The following NBEA variants were observed in gnomAD, a reference collection of about 807,000 sequenced individuals.
The protein encoded by NBEA is neurobeachin.
A neutral mutation model predicts 343.4 loss-of-function variants in NBEA; 44 were observed. The observed-to-expected ratio is 0.13, with a 90% confidence interval of 0.10 to 0.16. The LOEUF is 0.16. NBEA is among the 10% of genes least tolerant of loss of function. The pLI is 1.00. For synonymous variants in NBEA, 1,175 were observed against 1,238.7 expected (o/e 0.95, Z 1.08); for missense variants, 2,555 against 3,631.3 (o/e 0.70, Z 7.62).
intron 1 of NBEA, among the ~76,000 whole-genome samples, chr13:35,037,600 A>T (rs1387693217): frequency 2.0e-5 from 3 of 152,074 alleles, no homozygotes; most frequent in African/African-American, 7.2e-5. Context: ...TACTGCCTTG[A>T]TGGTTTTGGG....
chr13:35,349,942 A>G (rs2040095634), intron 37 of NBEA, among the ~76,000 whole-genome samples: 1 of 152,116 alleles, frequency 6.6e-6, no homozygotes, highest in African/African-American at 2.4e-5. Flanking sequence ...TTTCAAACAC[A>G]TGACCTTTGC....
At chr13:35,207,230 A>G (rs979505240) in intron 31 of NBEA, among the ~76,000 whole-genome samples, 23 of 151,880 alleles carry the variant, frequency 1.5e-4, no homozygotes, top group African/African-American at 4.8e-4. Context: ...TTATTTGTGG[A>G]AAAAAAAGTG....
At chr13:35,236,993 A>G (rs966612867) in intron 34 of NBEA, among the ~76,000 whole-genome samples, 5 of 152,006 alleles carry the variant, frequency 3.3e-5, no homozygotes, top group Admixed American at 1.3e-4. Context: ...TTGTGTTTGC[A>G]TAGGATATTA....
intron 24 of NBEA, among the ~76,000 whole-genome samples, chr13:35,166,775 T>C (rs1456362591): frequency 6.6e-6 from 1 of 152,032 alleles, no homozygotes. Context: ...AGTTGTAACA[T>C]AGCAGAGGGA....
At chr13:35,257,251 A>T (rs1238332281) in intron 34 of NBEA, among the ~76,000 whole-genome samples, 1 of 152,234 alleles carries the variant, frequency 6.6e-6, no homozygotes, top group Non-Finnish European at 1.5e-5. Context: ...TGAGGCATGT[A>T]CAGGTCAAAT....
chr13:35,366,751 C>T (rs2041142468), intron 38 of NBEA, among the ~76,000 whole-genome samples: 1 of 150,722 alleles, frequency 6.6e-6, no homozygotes, highest in Non-Finnish European at 1.5e-5. Flanking sequence ...ATAATTAACA[C>T]ATCACACTAG....
chr13:35,349,625 C>G (rs944967274), intron 37 of NBEA, among the ~76,000 whole-genome samples: 6 of 151,984 alleles, frequency 3.9e-5, no homozygotes, highest in African/African-American at 1.4e-4. Flanking sequence ...CTGTTTTATA[C>G]ATAACAGTTA....
At chr13:35,215,404 A>G (rs2074011644) in intron 33 of NBEA, among the ~76,000 whole-genome samples, 1 of 151,608 alleles carries the variant, frequency 6.6e-6, no homozygotes, top group South Asian at 2.1e-4. Context: ...TGATGATATT[A>G]TATTAGATTT....
intron 38 of NBEA, 124 bp from the exon 39 acceptor site, chr13:35,432,141 ATAAG>A (rs1286254005): frequency 1.3e-5 from 8 of 595,948 alleles, no homozygotes; most frequent in Non-Finnish European, 2.2e-5. Context: ...AGTGTAAAAT[ATAAG>A]TATCTCCAAA....
chr13:35,320,460 G>T (rs1382943068), intron 36 of NBEA, among the ~76,000 whole-genome samples: 1 of 152,202 alleles, frequency 6.6e-6, no homozygotes, highest in Non-Finnish European at 1.5e-5. Context: ...TCTGCTGAGA[G>T]ATCCGCTGTT....
rs2072581807 is a variant in NBEA at position 35,196,199 on chromosome 13, G to T, written c.5263G>T (p.Val1755Phe). 3.1e-6 allele frequency: 5 copies of T among 1,613,498 alleles called. No individual in the cohort carries two copies. The highest frequency in any genetic ancestry group is 4.2e-6 in the Non-Finnish European group (5 of 1,179,734). The part of the protein sequence containing the change: ...EILKSLVAAP[V>F]EIAECGPEPI... The stretch of plus-strand genomic sequence containing the variant: ...ACTGAAAAGTCTTGTGGCTGCTCCA[G>T]TTGAAATAGCAGAATGTGGCCCTGA... Residue 1755 changes from valine (V) to phenylalanine (F), a missense_variant, in exon 31 of 59, where the codon GTT (valine) becomes TTT (phenylalanine). By Grantham distance (50) the Val-to-Phe change is conservative. Transcript: ENST00000379939.
At chr13:35,067,068 CTG>C (rs1237384535) in intron 8 of NBEA, among the ~76,000 whole-genome samples, 1 of 151,960 alleles carries the variant, frequency 6.6e-6, no homozygotes, top group Admixed American at 6.6e-5. Flanking sequence ...TTTGTTTTCT[CTG>C]TTTTTGTGAT....
chr13:35,122,685 G>A (rs1448281176), intron 16 of NBEA, among the ~76,000 whole-genome samples: 3 of 152,042 alleles, frequency 2.0e-5, no homozygotes, highest in African/African-American at 4.8e-5. Flanking sequence ...AAACCTGCAC[G>A]TTGTACACAT....
chr13:35,187,736 C>A (rs2071822207), intron 30 of NBEA, among the ~76,000 whole-genome samples: 1 of 152,004 alleles, frequency 6.6e-6, no homozygotes, highest in South Asian at 2.1e-4. Flanking sequence ...CCTTTCTTGA[C>A]ATAAAATTTC....
intron 24 of NBEA, among the ~76,000 whole-genome samples, chr13:35,166,055 A>T (rs1393596691): frequency 1.3e-5 from 2 of 152,124 alleles, no homozygotes; most frequent in African/African-American, 2.4e-5. Context: ...TTTCTTGATC[A>T]TATAAATTGC....
intron 9 of NBEA, 146 bp downstream of exon 9, chr13:35,070,251 GAAT>G: frequency 1.3e-6 from 1 of 772,466 alleles, no homozygotes; most frequent in Non-Finnish European, 1.9e-6. Flanking sequence ...AAACTTTAAA[GAAT>G]ATCTCTCTTT....
intron 38 of NBEA, among the ~76,000 whole-genome samples, chr13:35,388,118 CTCTG>C (rs376937280): frequency 1.8e-3 from 272 of 152,212 alleles, no homozygotes; most frequent in African/African-American, 6.3e-3. Flanking sequence ...TGCTTCTCCC[CTCTG>C]TCTATTCCCT....
chr13:35,230,714 C>A (rs551674637), intron 33 of NBEA, among the ~76,000 whole-genome samples: 65 of 152,016 alleles, frequency 4.3e-4, no homozygotes, highest in African/African-American at 1.5e-3. Context: ...TATGCTTATT[C>A]GGTGACTTCA....
chr13:35,185,373 T>C (rs2152732997), intron 30 of NBEA: 1 of 152,266 alleles, frequency 6.6e-6, no homozygotes, highest in African/African-American at 2.4e-5. Context: ...CAAATAAAGC[T>C]AGCAAAATAT....
Sources: gnomAD v4.1 joint callset for allele counts (sites outside exome capture counted in the v4.1 genomes callset) on GRCh38, gnomAD v4.1.1 for gene constraint, MANE v1.5 for transcripts, NCBI Gene and HGNC (gene_info 2026-07-23, HGNC 2026-07-21) for gene names.